Variants in C6 observed in about 807,000 individuals in gnomAD.
C6 encodes the protein complement component C6.
A neutral mutation model predicts 112.9 loss-of-function variants in C6; 101 were observed. The observed-to-expected ratio is 0.89, with a 90% CI of 0.76 to 1.06. C6 has a LOEUF of 1.06. C6 is among the 50% of genes least tolerant of loss of function. The pLI is 0.00. For missense variants in C6, 1,202 were observed against 1,104.6 expected, an observed-to-expected ratio of 1.09 and a Z score of -1.25; for synonymous variants, 431 against 384.1, an observed-to-expected ratio of 1.12 and a Z score of -1.43.
At chr5:41,250,802 G>C (rs1001353979) in intron 1 of C6, among the ~76,000 whole-genome samples, 2 of 152,168 alleles carry the variant, frequency 1.3e-5, no homozygotes, top group Non-Finnish European at 2.9e-5. Context: ...CTGAGATTGT[G>C]TAGTTGTTTC....
intron 1 of C6, among the ~76,000 whole-genome samples, chr5:41,240,721 G>T (rs1580246400): frequency 6.6e-6 from 1 of 152,108 alleles, no homozygotes; most frequent in Non-Finnish European, 1.5e-5. Flanking sequence ...AGGTTTTCTG[G>T]GCTTGTGGTT....
At chr5:41,209,014 T>G (rs1441120155) in intron 1 of C6, among the ~76,000 whole-genome samples, 1 of 152,174 alleles carries the variant, frequency 6.6e-6, no homozygotes, top group Non-Finnish European at 1.5e-5. Context: ...ATCAAAAAGC[T>G]TATCCACCAC....
chr5:41,239,128 T>G (rs1281451915), intron 1 of C6, among the ~76,000 whole-genome samples: 1 of 149,902 alleles, frequency 6.7e-6, no homozygotes, highest in African/African-American at 2.4e-5. Context: ...TTTTTTTTTT[T>G]TGAGACGGAT....
At chr5:41,248,155 A>G (rs1041179763) in intron 1 of C6, among the ~76,000 whole-genome samples, 2 of 149,250 alleles carry the variant, frequency 1.3e-5, no homozygotes, top group South Asian at 2.1e-4. Context: ...ATCTTTCACC[A>G]TATACAAAAA....
chr5:41,195,053 A>G (rs1193412751), intron 5 of C6, among the ~76,000 whole-genome samples: 1 of 152,154 alleles, frequency 6.6e-6, no homozygotes, highest in Non-Finnish European at 1.5e-5. Context: ...CAGGTTATGT[A>G]AGCTTTCTGG....
chr5:41,166,274 G>A (rs1747967385), intron 9 of C6, among the ~76,000 whole-genome samples: 1 of 152,024 alleles, frequency 6.6e-6, no homozygotes, highest in Non-Finnish European at 1.5e-5. Context: ...GTTTTGTATG[G>A]ACTAAACCTA....
intron 13 of C6, among the ~76,000 whole-genome samples, chr5:41,157,014 C>T (rs966483813): frequency 1.3e-5 from 2 of 152,144 alleles, no homozygotes; most frequent in Non-Finnish European, 2.9e-5. Flanking sequence ...TGTGCAATAA[C>T]ATCATTGCTC....
At chr5:41,160,529 A>G (rs1747387138) in intron 10 of C6, among the ~76,000 whole-genome samples, 162 bp from the exon 11 acceptor site, 1 of 152,196 alleles carries the variant, frequency 6.6e-6, no homozygotes, top group South Asian at 2.1e-4. Flanking sequence ...AGTAGGCAAA[A>G]GCCTTCTACC....
At chr5:41,248,159 A>G (rs1444378314) in intron 1 of C6, among the ~76,000 whole-genome samples, 1 of 146,904 alleles carries the variant, frequency 6.8e-6, no homozygotes, top group Middle Eastern at 3.5e-3. Context: ...TTCACCATAT[A>G]CAAAAATTAA....
chr5:41,255,641 C>A (rs1741648708), intron 1 of C6, among the ~76,000 whole-genome samples: 1 of 152,132 alleles, frequency 6.6e-6, no homozygotes, highest in Non-Finnish European at 1.5e-5. Flanking sequence ...TATACCTGCC[C>A]TGATTGGCTT....
At chr5:41,163,293 A>G (rs988750936) in intron 9 of C6, among the ~76,000 whole-genome samples, 5 of 150,842 alleles carry the variant, frequency 3.3e-5, no homozygotes, top group African/African-American at 1.2e-4. Context: ...TTTGTAATAT[A>G]TGTATTTATC....
chr5:41,244,836 A>G (rs1006514863), intron 1 of C6, among the ~76,000 whole-genome samples: 3 of 152,150 alleles, frequency 2.0e-5, no homozygotes, highest in African/African-American at 7.2e-5. Flanking sequence ...ATTTTCTGAG[A>G]GTTTTAAATC....
intron 1 of C6, among the ~76,000 whole-genome samples, chr5:41,257,480 T>TATGA (rs1339300880): frequency 2.6e-5 from 4 of 152,124 alleles, no homozygotes. Flanking sequence ...GTGATGAACA[T>TATGA]ATGAATACAT....
At chr5:41,145,626 A>G (rs1466641074) in intron 17 of C6, among the ~76,000 whole-genome samples, 1 of 152,220 alleles carries the variant, frequency 6.6e-6, no homozygotes, top group African/African-American at 2.4e-5. Context: ...GGAGATACTC[A>G]TATGCACCAC....
At chr5:41,244,912 G>A (rs1451587329) in intron 1 of C6, among the ~76,000 whole-genome samples, 1 of 152,090 alleles carries the variant, frequency 6.6e-6, no homozygotes, top group Non-Finnish European at 1.5e-5. Flanking sequence ...TGAAATGATT[G>A]TATGGTCCTC....
intron 1 of C6, among the ~76,000 whole-genome samples, chr5:41,248,012 C>T (rs1488748445): frequency 6.6e-6 from 1 of 152,090 alleles, no homozygotes; most frequent in Admixed American, 6.6e-5. Context: ...ACAGAGAACC[C>T]AGCTTGTATG....
chr5:41,211,459 C>G (rs560779653), intron 1 of C6, among the ~76,000 whole-genome samples: 6 of 152,220 alleles, frequency 3.9e-5, no homozygotes, highest in African/African-American at 1.2e-4. Context: ...AGTAACTCGC[C>G]TTTCCTGGTT....
At chr5:41,242,388 T>A (rs1397872843) in intron 1 of C6, among the ~76,000 whole-genome samples, 1 of 152,188 alleles carries the variant, frequency 6.6e-6, no homozygotes, top group Non-Finnish European at 1.5e-5. Flanking sequence ...CCTTCTGCCA[T>A]GATTGTAAGT....
chr5:41,216,855 A>T (rs1412747908), upstream of C6, among the ~76,000 whole-genome samples: 1 of 152,118 alleles, frequency 6.6e-6, no homozygotes, highest in Non-Finnish European at 1.5e-5. Context: ...CAGTAGCACA[A>T]CCCTATTCAA....
Sources: allele counts gnomAD v4.1 joint callset (sites outside exome capture counted in the v4.1 genomes callset), GRCh38; gene constraint gnomAD v4.1.1; transcripts MANE v1.5; gene names NCBI Gene and HGNC (gene_info 2026-07-23, HGNC 2026-07-21).